The following DGKD variants were observed in gnomAD, a reference collection of about 807,000 sequenced individuals.
DGKD encodes DAG kinase delta.
A neutral mutation model predicts 154.4 loss-of-function variants in DGKD; 68 were observed. The observed-to-expected ratio is 0.44, with a 90% CI of 0.36 to 0.54. The LOEUF (loss-of-function observed/expected upper bound fraction) is 0.54, where lower values mean the gene tolerates loss of function less well. Among genes scored for constraint, DGKD ranks in the 20% least tolerant of loss-of-function variants. The pLI is 0.00. For missense variants in DGKD, 1,343 were observed against 1,593.6 expected (o/e 0.84, Z 2.68); for synonymous variants, 693 against 638.0 (o/e 1.09, Z -1.30).
rs1050715721 is a variant in DGKD at position 233,451,008 on chromosome 2, C to T, written c.2125C>T (p.Arg709Trp). The change falls in exon 17 of 30, where the codon CGG becomes TGG. Residue 709 changes from arginine (R) to tryptophan (W), a missense_variant. Physicochemically the swap from Arg to Trp is moderately radical, Grantham distance 101. Around this residue, in one of 6 missense-constraint regions of DGKD, gnomAD observed 409 missense variants for 446.0 expected, o/e 0.92. Transcript: ENST00000264057. ...SASLPPQPGS[R>W]DGLPALNTKI... ...TTCCCTTCCGCCCCAGCCGGGAAGC[C>T]GGGACGGCCTGCCTGCGCTCAACAC... 24 of 1,612,172 alleles carry T rather than the reference C, an allele frequency of 1.5e-5. No homozygotes were observed. Among genetic ancestry groups the T allele is most frequent in the South Asian group, 6.6e-5 (6 of 91,050 alleles).
intron 3 of DGKD, among the ~76,000 whole-genome samples, chr2:233,423,785 A>T (rs1247183552): frequency 1.3e-5 from 2 of 151,976 alleles, no homozygotes; most frequent in African/African-American, 4.8e-5. Flanking sequence ...CTGGAAGAGC[A>T]GGCTTTTGTT....
chr2:233,446,484 A>G (rs551897058), intron 11 of DGKD, among the ~76,000 whole-genome samples: 4 of 152,350 alleles, frequency 2.6e-5, no homozygotes, highest in Non-Finnish European at 5.9e-5. Context: ...CAAGGTAGCC[A>G]TTTATGGGAG....
At chr2:233,379,559 C>T (rs953056658) in intron 1 of DGKD, among the ~76,000 whole-genome samples, 1 of 152,144 alleles carries the variant, frequency 6.6e-6, no homozygotes, top group Non-Finnish European at 1.5e-5. Context: ...CACTGATGCT[C>T]ATCACTGGTG....
Position 233,438,126 on chromosome 2 carries a change from T to C in DGKD, c.923-91T>C, listed in dbSNP as rs1403935596. On this transcript the variant is annotated intron_variant, in intron 8 of 29. Coordinates refer to ENST00000264057, the MANE Select transcript of DGKD (RefSeq NM_152879.3). This position sits in a 1 kb window ranked among gnomAD's most constrained non-coding sequence, Gnocchi z 4.1. ...TGTGCATGTGTCAGGTGTGTGTCCT[T>C]TGGGGGGGTCTGCTGCTGCTGATTC... 2 of 1,441,646 alleles carry C rather than the reference T, an allele frequency of 1.4e-6. No individual in the cohort carries two copies. Among genetic ancestry groups the C allele is most frequent in the Non-Finnish European group, 1.9e-6 (2 of 1,049,232 alleles). The allele number at this position is 1,441,646 out of a possible 1,614,324, so 89.3% of individuals were successfully genotyped here.
chr2:233,446,098 G>GT (rs528917633), intron 11 of DGKD, among the ~76,000 whole-genome samples: 11 of 152,190 alleles, frequency 7.2e-5, no homozygotes, highest in Non-Finnish European at 1.5e-4. Flanking sequence ...GCTCCTTGTC[G>GT]TTTACTTGAA....
At chr2:233,421,315 C>T (rs912713563) in intron 3 of DGKD, among the ~76,000 whole-genome samples, 16 of 152,240 alleles carry the variant, frequency 1.1e-4, no homozygotes, top group African/African-American at 2.9e-4. Flanking sequence ...CACCCTGTCC[C>T]GTCTGCTGTC....
intron 1 of DGKD, among the ~76,000 whole-genome samples, chr2:233,359,780 TTGAG>T (rs1434718663): frequency 1.5e-4 from 23 of 152,322 alleles, no homozygotes; most frequent in African/African-American, 5.5e-4. Flanking sequence ...GGGTATCTTA[TTGAG>T]TAACAACAAA....
Position 233,445,903 on chromosome 2 carries a change from G to C in DGKD, c.1334+141G>C. 1 of 1,083,538 alleles carries C rather than the reference G, an allele frequency of 9.2e-7. No individual in the cohort carries two copies. Among genetic ancestry groups the C allele is most frequent in the Non-Finnish European group, 1.3e-6 (1 of 790,978 alleles). The allele number at this position is 1,083,538 out of a possible 1,614,324, so 67.1% of individuals were successfully genotyped here. A position where few individuals can be genotyped will look rare whatever the true frequency, so the allele number is the denominator to read the frequency against. Reference sequence around the variant, plus strand: ...AAAGATTTGACCTGAGTATATATTCGGATAGTCTTTGATATTTGGTCAGAT... The same window carrying C: ...AAAGATTTGACCTGAGTATATATTCCGATAGTCTTTGATATTTGGTCAGAT... On this transcript the variant is annotated intron_variant, in intron 11 of 29. Coordinates refer to ENST00000264057, the MANE Select transcript of DGKD (RefSeq NM_152879.3). The surrounding 1 kb of genome is among the most constrained non-coding windows in gnomAD (Gnocchi z 5.5).
chr2:233,427,337 C>CTT lies in DGKD; in HGVS notation c.349-7023_349-7022dup, dbSNP rs35153949. On this transcript the variant is annotated intron_variant, in intron 3 of 29. Transcript: ENST00000264057. Reference sequence around the variant, plus strand: ...CTGTTGAGTTCAGTTTATTGCCCTGCTTTTTTTTTTTTTTTTTTTTTGAGA... The same window carrying CTT: ...CTGTTGAGTTCAGTTTATTGCCCTGCTTTTTTTTTTTTTTTTTTTTTTTGAGA... Among the ~76,000 whole-genome samples, 187 of 83,748 alleles carry CTT rather than the reference C, an allele frequency of 2.2e-3. 1 individual carries two copies. The highest frequency in any genetic ancestry group is 2.9e-3 in the Non-Finnish European group (132 of 45,162). The allele number at this position is 83,748 out of a possible 152,430, so 54.9% of individuals were successfully genotyped here.
rs192767003 is a variant in DGKD at position 233,460,110 on chromosome 2, A to G, written c.2830-84A>G. 5 of 1,538,646 alleles carry G rather than the reference A, an allele frequency of 3.2e-6. No individual in the cohort carries two copies. The Admixed American group carries it at 8.2e-5, about 25-fold the overall frequency. On this transcript the variant is annotated intron_variant, in intron 23 of 29. Transcript: ENST00000264057. ...TCCTATTTGTCTCTTTCTAGTTGTG[A>G]TCTCGTTGGCATCCCCATAGTGTCT...
intron 1 of DGKD, among the ~76,000 whole-genome samples, chr2:233,365,700 T>TC (rs1701991592): frequency 1.3e-5 from 2 of 152,214 alleles, no homozygotes; most frequent in South Asian, 4.1e-4. Context: ...GTTGAAATTA[T>TC]AGAGTATGTT....
intron 3 of DGKD, among the ~76,000 whole-genome samples, chr2:233,397,854 A>G (rs1439605117): frequency 6.6e-6 from 1 of 151,746 alleles, no homozygotes; most frequent in African/African-American, 2.4e-5. Context: ...GGTGGAGTAG[A>G]TGAAGGTGTC....
intron 1 of DGKD, among the ~76,000 whole-genome samples, chr2:233,374,685 C>G (rs185663690): frequency 4.5e-4 from 68 of 151,948 alleles, no homozygotes; most frequent in Admixed American, 5.2e-4. Flanking sequence ...TTCTGTCATC[C>G]AGGCTGCAGT....
chr2:233,387,114 A>G (rs918676053), intron 1 of DGKD, among the ~76,000 whole-genome samples: 1 of 152,212 alleles, frequency 6.6e-6, no homozygotes, highest in East Asian at 1.9e-4. Flanking sequence ...GCATTCTGGC[A>G]TAGGTGGGGG....
At chr2:233,365,903 C>T (rs1227076460) in intron 1 of DGKD, among the ~76,000 whole-genome samples, 2 of 151,962 alleles carry the variant, frequency 1.3e-5, no homozygotes, top group East Asian at 1.9e-4. Flanking sequence ...GCTTAAAATA[C>T]GTATATTAGA....
intron 3 of DGKD, among the ~76,000 whole-genome samples, chr2:233,410,335 A>G (rs751869321): frequency 1.3e-5 from 2 of 152,134 alleles, no homozygotes; most frequent in Non-Finnish European, 2.9e-5. Flanking sequence ...ATTGACCGGG[A>G]TCGCTTCCTT....
intron 9 of DGKD, among the ~76,000 whole-genome samples, chr2:233,439,778 T>C (rs1048168891): frequency 6.6e-5 from 10 of 152,154 alleles, no homozygotes; most frequent in African/African-American, 2.4e-4. Flanking sequence ...TAAAATGTTT[T>C]GTAGAGTGGT....
intron 3 of DGKD, among the ~76,000 whole-genome samples, chr2:233,413,494 T>C (rs1407510605): frequency 6.6e-6 from 1 of 152,146 alleles, no homozygotes; most frequent in Non-Finnish European, 1.5e-5. Flanking sequence ...GTCTGTTGGA[T>C]GGAGAAGTAG....
At position 233,448,260 on chromosome 2, in the gene DGKD, G is replaced by T; in HGVS notation, c.1515-16G>T. ...GCTGCCTCTCTAGAAGGGTCTTTCT[G>T]TTTTTCTCCCCACAGAGTGCTCTGT... On this transcript the variant is annotated splice_polypyrimidine_tract_variant and intron_variant, in intron 13 of 29. Coordinates refer to ENST00000264057, the MANE Select transcript of DGKD (RefSeq NM_152879.3). The T allele has an allele frequency of 6.2e-7, 1 of 1,614,102 alleles. No individual in the cohort carries two copies. Among genetic ancestry groups the T allele is most frequent in the Non-Finnish European group, 8.5e-7 (1 of 1,179,984 alleles).
Sources: allele counts gnomAD v4.1 joint callset (sites outside exome capture counted in the v4.1 genomes callset), GRCh38; gene constraint gnomAD v4.1.1; regional missense constraint gnomAD v4.1.1; non-coding constraint Gnocchi (gnomAD v3.1); transcripts MANE v1.5; gene names NCBI Gene and HGNC (gene_info 2026-07-23, HGNC 2026-07-21).